Variants in LARGE1 observed in about 807,000 individuals in gnomAD.
LARGE1 encodes the protein LARGE xylosyl- and glucuronyltransferase 1.
Under a neutral mutation model 87.6 loss-of-function variants are expected in LARGE1, and 43 were observed. The observed-to-expected ratio is 0.49, with a 90% CI of 0.38 to 0.63. LARGE1 has a LOEUF of 0.63. LARGE1 is among the 30% of genes least tolerant of loss of function. The probability of loss-of-function intolerance (pLI) is 0.00; values close to 1 mark genes in which losing one functional copy is unlikely to be tolerated. For missense variants in LARGE1, 802 were observed against 1,000.2 expected, an observed-to-expected ratio of 0.80 and a Z score of 2.67; for synonymous variants, 434 against 394.6, an observed-to-expected ratio of 1.10 and a Z score of -1.18.
intron 11 of LARGE1, among the ~76,000 whole-genome samples, chr22:33,313,480 G>A (rs892098374): frequency 1.3e-5 from 2 of 152,206 alleles, no homozygotes; most frequent in Non-Finnish European, 2.9e-5. Context: ...TTCCCGCCCC[G>A]CTGGCGGACA....
At chr22:33,068,864 G>T in the LARGE1 span, among the ~76,000 whole-genome samples, 1 of 152,088 alleles carries the variant, frequency 6.6e-6, no homozygotes, top group Admixed American at 6.6e-5. Context: ...AGCTTTACCT[G>T]GTTGGCCTCC....
chr22:33,577,250 G>C (rs1342806886), intron 5 of LARGE1, among the ~76,000 whole-genome samples: 1 of 152,070 alleles, frequency 6.6e-6, no homozygotes, highest in Non-Finnish European at 1.5e-5. Context: ...GAAATAAAAA[G>C]TATAAAAAGG....
intron 1 of LARGE1, among the ~76,000 whole-genome samples, chr22:33,835,298 A>G (rs2063080982): frequency 6.6e-6 from 1 of 152,230 alleles, no homozygotes; most frequent in Non-Finnish European, 1.5e-5. Context: ...CTGTAAAGGC[A>G]GGCAAGTCTT....
chr22:33,547,889 C>T (rs897947700), intron 6 of LARGE1, among the ~76,000 whole-genome samples: 1 of 146,328 alleles, frequency 6.8e-6, no homozygotes, highest in Non-Finnish European at 1.5e-5. Context: ...TATATCAGAA[C>T]TCTCTGTATT....
At chr22:33,852,850 C>A (rs572111425) in intron 1 of LARGE1, among the ~76,000 whole-genome samples, 1 of 91,876 alleles carries the variant, frequency 1.1e-5, no homozygotes, top group South Asian at 3.8e-4. Flanking sequence ...AGCGAGACTC[C>A]GTCTCCAAAA....
intron 1 of LARGE1, among the ~76,000 whole-genome samples, chr22:33,847,615 A>G (rs886236912): frequency 1.3e-5 from 2 of 152,232 alleles, no homozygotes; most frequent in African/African-American, 4.8e-5. Context: ...CAGCCCCATT[A>G]AATCCAGTCC....
intron 3 of LARGE1, among the ~76,000 whole-genome samples, chr22:33,627,479 C>A (rs2079959138): frequency 6.6e-6 from 1 of 152,224 alleles, no homozygotes. Flanking sequence ...GCATTCAATA[C>A]TTCCATTAAA....
At chr22:33,895,738 T>TTC (rs1309898362) in intron 1 of LARGE1, among the ~76,000 whole-genome samples, 7 of 152,258 alleles carry the variant, frequency 4.6e-5, no homozygotes, top group Admixed American at 4.6e-4. Flanking sequence ...GAAGATGGGG[T>TTC]CTTACATAAG....
At chr22:33,767,696 GGATGT>G (rs2145787669) in intron 1 of LARGE1, among the ~76,000 whole-genome samples, 1 of 152,104 alleles carries the variant, frequency 6.6e-6, no homozygotes, top group Admixed American at 6.5e-5. Flanking sequence ...TGGGTGTTCA[GGATGT>G]GTGGATTGTC....
rs573524537 is a variant in LARGE1, at chr22:33,833,212, G to A, written c.-82-71654C>T. 2.0e-5 allele frequency among the ~76,000 whole-genome samples: 3 copies of A among 152,278 alleles called. No individual in the cohort carries two copies. In the South Asian group the frequency reaches 6.2e-4, roughly 32 times the overall value. ...AATGTAATACTGAAACATCTGAATG[G>A]CGGATTACCAATTATAAAGTCTAAT... On this transcript the variant is annotated intron_variant, in intron 1 of 14. Coordinates refer to ENST00000397394, the MANE Select transcript of LARGE1 (RefSeq NM_133642.5).
At chr22:33,124,023 C>T in the LARGE1 span, among the ~76,000 whole-genome samples, 11 of 152,144 alleles carry the variant, frequency 7.2e-5, no homozygotes, top group East Asian at 2.1e-3. Flanking sequence ...CGATGGCTCA[C>T]GTCTGTAACC....
chr22:33,193,353 G>A (rs1471334255), intron 11 of LARGE1, among the ~76,000 whole-genome samples: 1 of 152,108 alleles, frequency 6.6e-6, no homozygotes, highest in African/African-American at 2.4e-5. Context: ...AGCAAAAAGA[G>A]AGACAGTAAA....
At chr22:33,748,315 A>T (rs1333926616) in intron 2 of LARGE1, among the ~76,000 whole-genome samples, 1 of 151,964 alleles carries the variant, frequency 6.6e-6, no homozygotes, top group Admixed American at 6.6e-5. Context: ...GTATTTTAGT[A>T]GAGACGGGGT....
chr22:33,808,291 T>G (rs1477988165), intron 1 of LARGE1, among the ~76,000 whole-genome samples: 1 of 152,252 alleles, frequency 6.6e-6, no homozygotes, highest in Non-Finnish European at 1.5e-5. Flanking sequence ...ATCTGCCATC[T>G]GCATATTTTC....
At chr22:33,184,486 G>A (rs956372276) in intron 11 of LARGE1, among the ~76,000 whole-genome samples, 8 of 151,230 alleles carry the variant, frequency 5.3e-5, no homozygotes, top group Non-Finnish European at 1.2e-4. Flanking sequence ...GTATTAATAA[G>A]AAAAATGGCT....
intron 1 of LARGE1, among the ~76,000 whole-genome samples, chr22:33,821,034 G>A (rs908039716): frequency 1.3e-5 from 2 of 152,148 alleles, no homozygotes; most frequent in East Asian, 1.9e-4. Flanking sequence ...AATCACCACC[G>A]TATCTATTGC....
At chr22:33,490,056 A>G (rs1415136705) in intron 6 of LARGE1, among the ~76,000 whole-genome samples, 2 of 152,214 alleles carry the variant, frequency 1.3e-5, no homozygotes, top group African/African-American at 4.8e-5. Flanking sequence ...TCCTGACTCC[A>G]GAAGCACTTT....
chr22:33,682,985 A>G (rs890584854), intron 2 of LARGE1, among the ~76,000 whole-genome samples: 1 of 152,264 alleles, frequency 6.6e-6, no homozygotes, highest in Non-Finnish European at 1.5e-5. Flanking sequence ...GATGATAGAA[A>G]TGATAATGGG....
chr22:33,178,355 T>C (rs142060322), intron 11 of LARGE1, among the ~76,000 whole-genome samples: 108 of 152,306 alleles, frequency 7.1e-4, no homozygotes, highest in African/African-American at 2.5e-3. Flanking sequence ...GGAGTCTTTA[T>C]GCTGTTCCTG....
Sources: gnomAD v4.1 joint callset for allele counts (sites outside exome capture counted in the v4.1 genomes callset) on GRCh38, gnomAD v4.1.1 for gene constraint, MANE v1.5 for transcripts, NCBI Gene and HGNC (gene_info 2026-07-23, HGNC 2026-07-21) for gene names.